Variants in MAD1L1 observed in about 807,000 individuals in gnomAD.
MAD1L1 encodes the protein mitotic spindle assembly checkpoint protein MAD1.
A neutral mutation model predicts 96.9 loss-of-function variants in MAD1L1; 95 were observed. The ratio of observed to expected loss-of-function variants is 0.98; its 90% CI spans 0.83 to 1.16. The LOEUF is 1.16. MAD1L1 is among the 50% of genes most tolerant of loss of function. The pLI is 0.00. For missense variants in MAD1L1, 1,007 were observed against 954.4 expected, an observed-to-expected ratio of 1.06 and a Z score of -0.73; for synonymous variants, 473 against 396.6, an observed-to-expected ratio of 1.19 and a Z score of -2.29.
intron 15 of MAD1L1, among the ~76,000 whole-genome samples, chr7:1,972,807 C>A (rs772266683): frequency 3.9e-5 from 6 of 152,142 alleles, no homozygotes; most frequent in Non-Finnish European, 8.8e-5. Flanking sequence ...GCATGACGTA[C>A]TTCCTTCTCA....
chr7:1,912,180 G>A (rs1264847924), intron 17 of MAD1L1, among the ~76,000 whole-genome samples: 1 of 152,216 alleles, frequency 6.6e-6, no homozygotes, highest in Non-Finnish European at 1.5e-5. Flanking sequence ...TGCGGGTACA[G>A]ACCCCAGAAC....
At chr7:2,030,952 T>G (rs915616889) in intron 12 of MAD1L1, among the ~76,000 whole-genome samples, 3 of 152,236 alleles carry the variant, frequency 2.0e-5, no homozygotes, top group Admixed American at 2.0e-4. Flanking sequence ...ACAAGTCTCA[T>G]TACAAGGTTA....
At chr7:1,967,047 TCTTACTGCC>T (rs1780199525) in intron 15 of MAD1L1, among the ~76,000 whole-genome samples, 1 of 152,240 alleles carries the variant, frequency 6.6e-6, no homozygotes, top group East Asian at 1.9e-4. Context: ...TACCCGGGTC[TCTTACTGCC>T]CTTTTCAAAA....
intron 16 of MAD1L1, among the ~76,000 whole-genome samples, chr7:1,952,788 G>A (rs1304398532): frequency 1.3e-5 from 2 of 152,244 alleles, no homozygotes; most frequent in Non-Finnish European, 1.5e-5. Context: ...CGGTCCAGAG[G>A]CCACACTCTG....
intron 11 of MAD1L1, among the ~76,000 whole-genome samples, chr7:2,143,821 G>A (rs749051859): frequency 3.9e-5 from 6 of 152,160 alleles, no homozygotes; most frequent in South Asian, 2.1e-4. Context: ...TGGGAAAGCC[G>A]ATGCACAGAG....
At chr7:1,894,690 C>G (rs1362719930) in intron 18 of MAD1L1, among the ~76,000 whole-genome samples, 3 of 152,090 alleles carry the variant, frequency 2.0e-5, no homozygotes, top group Non-Finnish European at 4.4e-5. Flanking sequence ...GTCTGGGAGG[C>G]CCCAGCCCTC....
At chr7:2,101,326 G>A (rs111572896) in intron 11 of MAD1L1, among the ~76,000 whole-genome samples, 1 of 143,948 alleles carries the variant, frequency 6.9e-6, no homozygotes, top group East Asian at 2.1e-4. Flanking sequence ...ATGAGACTGG[G>A]GCTCCACTCC....
At chr7:1,827,331 A>G (rs958520387) in intron 18 of MAD1L1, among the ~76,000 whole-genome samples, 2 of 152,230 alleles carry the variant, frequency 1.3e-5, no homozygotes, top group Admixed American at 1.3e-4. Flanking sequence ...ACAGGTGCTC[A>G]GATCAGGCAC....
At chr7:1,872,136 G>T in intron 18 of MAD1L1, among the ~76,000 whole-genome samples, 1 of 152,300 alleles carries the variant, frequency 6.6e-6, no homozygotes, top group South Asian at 2.1e-4. Flanking sequence ...CGCTCCCTCT[G>T]TCCCCTGTCC....
At chr7:1,896,796 C>T (rs1001116825) in intron 18 of MAD1L1, among the ~76,000 whole-genome samples, 6 of 152,176 alleles carry the variant, frequency 3.9e-5, no homozygotes, top group Non-Finnish European at 8.8e-5. Flanking sequence ...GAAAACGCTG[C>T]CTCTTAATTT....
chr7:2,144,793 C>T (rs912018223), intron 11 of MAD1L1, among the ~76,000 whole-genome samples: 1 of 152,130 alleles, frequency 6.6e-6, no homozygotes, highest in African/African-American at 2.4e-5. Flanking sequence ...GTCCTCAGCC[C>T]CACAACCAGG....
At chr7:2,159,488 C>G (rs752655608) in intron 10 of MAD1L1, among the ~76,000 whole-genome samples, 1 of 152,252 alleles carries the variant, frequency 6.6e-6, no homozygotes, top group Non-Finnish European at 1.5e-5. Context: ...ACACCACCAG[C>G]TGAGATCCTG....
chr7:1,985,002 T>C (rs886761791), intron 14 of MAD1L1, among the ~76,000 whole-genome samples: 1 of 152,252 alleles, frequency 6.6e-6, no homozygotes, highest in African/African-American at 2.4e-5. Flanking sequence ...GTACCTACTG[T>C]ATCTCCTATG....
intron 12 of MAD1L1, among the ~76,000 whole-genome samples, chr7:2,034,900 T>C (rs1257746765): frequency 6.6e-6 from 1 of 152,220 alleles, no homozygotes; most frequent in Non-Finnish European, 1.5e-5. Context: ...ACATGTCCAG[T>C]GTCACAGTCA....
chr7:1,928,217 C>A (rs547374568), intron 17 of MAD1L1, among the ~76,000 whole-genome samples: 1 of 150,716 alleles, frequency 6.6e-6, no homozygotes, highest in Non-Finnish European at 1.5e-5. Context: ...AAGGAGCCCA[C>A]GACGGAACTC....
intron 14 of MAD1L1, chr7:1,980,837 G>C: frequency 1.9e-6 from 1 of 522,280 alleles, no homozygotes; most frequent in South Asian, 1.7e-5. Context: ...TGGACACGCA[G>C]CTGGGGAGAG....
At chr7:2,089,087 G>A (rs538725090) in intron 11 of MAD1L1, 4 of 152,376 alleles carry the variant, frequency 2.6e-5, no homozygotes, top group African/African-American at 9.6e-5. Context: ...CGGCTCACAC[G>A]GCCGACTCGG....
intron 18 of MAD1L1, among the ~76,000 whole-genome samples, chr7:1,869,200 G>A (rs1031770722): frequency 9.2e-5 from 14 of 152,138 alleles, no homozygotes; most frequent in African/African-American, 3.4e-4. Context: ...CACACACGCT[G>A]CTGTGGGGGC....
chr7:2,228,793 T>C (rs1016005631), intron 3 of MAD1L1, among the ~76,000 whole-genome samples: 3 of 151,026 alleles, frequency 2.0e-5, no homozygotes, highest in African/African-American at 7.3e-5. Flanking sequence ...CAGGCTGGAG[T>C]GCGGTGGCGC....
Sources: allele counts gnomAD v4.1 joint callset (sites outside exome capture counted in the v4.1 genomes callset), GRCh38; gene constraint gnomAD v4.1.1; transcripts MANE v1.5; gene names NCBI Gene and HGNC (gene_info 2026-07-23, HGNC 2026-07-21).